The following COMMD10 variants were observed in gnomAD, a reference collection of about 807,000 sequenced individuals.
COMMD10 encodes the protein COMM domain-containing protein 10.
A neutral mutation model predicts 28.9 loss-of-function variants in COMMD10; 33 were observed. The observed-to-expected ratio is 1.14, with a 90% confidence interval of 0.87 to 1.53. The LOEUF is 1.53. COMMD10 is among the 40% of genes most tolerant of loss of function. The pLI is 0.00. For synonymous variants in COMMD10, 110 were observed against 81.7 expected (o/e 1.35, Z -1.87); for missense variants, 310 against 233.4 (o/e 1.33, Z -2.14).
intron 5 of COMMD10, among the ~76,000 whole-genome samples, chr5:116,169,949 C>CA (rs1232677372): frequency 6.6e-6 from 1 of 152,142 alleles, no homozygotes; most frequent in Admixed American, 6.5e-5. Flanking sequence ...TGCCCTCTCT[C>CA]ACCACCCCTA....
chr5:116,218,216 C>T (rs2112641160), intron 5 of COMMD10: 2 of 761,674 alleles, frequency 2.6e-6, no homozygotes, highest in Admixed American at 1.7e-5. Flanking sequence ...AGCGGACAAC[C>T]TTGCAGATCT....
At chr5:116,287,927 GGTTTT>G (rs999067118) in intron 5 of COMMD10, among the ~76,000 whole-genome samples, 8 of 151,202 alleles carry the variant, frequency 5.3e-5, no homozygotes, top group Non-Finnish European at 1.0e-4. Context: ...TAGATTTATG[GGTTTT>G]GTTTTGTTTT....
intron 5 of COMMD10, among the ~76,000 whole-genome samples, chr5:116,175,532 A>C (rs1309481391): frequency 6.6e-6 from 1 of 152,198 alleles, no homozygotes; most frequent in Non-Finnish European, 1.5e-5. Context: ...TTCTGAGTGT[A>C]TATTCAAAAG....
intron 5 of COMMD10, among the ~76,000 whole-genome samples, chr5:116,164,036 G>T (rs569255269): frequency 2.4e-4 from 37 of 152,264 alleles, no homozygotes; most frequent in African/African-American, 8.9e-4. Context: ...ACACTCTGAG[G>T]CCAGGCCTGG....
chr5:116,125,189 T>C (rs1456374245), intron 4 of COMMD10, among the ~76,000 whole-genome samples: 3 of 152,332 alleles, frequency 2.0e-5, no homozygotes, highest in African/African-American at 4.8e-5. Context: ...CAGTGGCTGG[T>C]ACCAGTTGTT....
chr5:116,154,648 C>T (rs570497443), intron 5 of COMMD10, among the ~76,000 whole-genome samples: 17 of 152,216 alleles, frequency 1.1e-4, no homozygotes, highest in African/African-American at 3.9e-4. Flanking sequence ...CAAGTTGGCC[C>T]AAAGTCGTAT....
At chr5:116,086,658 C>T (rs1750108894) in intron 1 of COMMD10, among the ~76,000 whole-genome samples, 1 of 152,306 alleles carries the variant, frequency 6.6e-6, no homozygotes, top group Non-Finnish European at 1.5e-5. Context: ...TGGGGTTTCA[C>T]CATGTTGGCT....
intron 5 of COMMD10, among the ~76,000 whole-genome samples, chr5:116,172,915 G>A (rs1244556422): frequency 6.6e-6 from 1 of 152,090 alleles, no homozygotes; most frequent in African/African-American, 2.4e-5. Flanking sequence ...ATGAGAGGAT[G>A]TCTTTAATAA....
chr5:116,264,210 T>C (rs891482004), intron 5 of COMMD10, among the ~76,000 whole-genome samples: 9 of 151,816 alleles, frequency 5.9e-5, no homozygotes, highest in Admixed American at 2.6e-4. Context: ...AGAGGAATTT[T>C]AGTGATTAAA....
At chr5:116,122,180 A>C (rs954617554) in intron 4 of COMMD10, among the ~76,000 whole-genome samples, 1 of 152,216 alleles carries the variant, frequency 6.6e-6, no homozygotes, top group African/African-American at 2.4e-5. Context: ...GAAGGGATCC[A>C]GTTTTAGTTT....
intron 4 of COMMD10, among the ~76,000 whole-genome samples, chr5:116,130,207 G>T (rs1338292677): frequency 6.6e-6 from 1 of 151,788 alleles, no homozygotes; most frequent in African/African-American, 2.4e-5. Context: ...TGTGCTTACT[G>T]TATGCGGGAC....
chr5:116,267,949 C>T (rs1400108432), intron 5 of COMMD10, among the ~76,000 whole-genome samples: 5 of 151,688 alleles, frequency 3.3e-5, no homozygotes, highest in African/African-American at 7.3e-5. Context: ...AAAATTAATT[C>T]GAGATGGATT....
At chr5:116,140,174 T>A (rs1752150836) in intron 5 of COMMD10, among the ~76,000 whole-genome samples, 1 of 151,290 alleles carries the variant, frequency 6.6e-6, no homozygotes, top group African/African-American at 2.4e-5. Context: ...TCCTCCAGAT[T>A]CATCCATGTT....
intron 5 of COMMD10, among the ~76,000 whole-genome samples, chr5:116,246,323 A>C (rs545030121): frequency 1.3e-5 from 2 of 152,228 alleles, no homozygotes; most frequent in South Asian, 2.1e-4. Flanking sequence ...CACTGCTTAA[A>C]GAAATCAGAA....
intron 5 of COMMD10, among the ~76,000 whole-genome samples, chr5:116,197,249 CTTACT>C (rs1262103957): frequency 6.6e-6 from 1 of 151,888 alleles, no homozygotes; most frequent in Non-Finnish European, 1.5e-5. Flanking sequence ...GCTTTGAAGA[CTTACT>C]AAGAAATTAA....
intron 5 of COMMD10, among the ~76,000 whole-genome samples, chr5:116,229,818 A>G (rs1399981053): frequency 6.6e-6 from 1 of 151,992 alleles, no homozygotes. Flanking sequence ...ACATAGCCTG[A>G]GTTAATTCAG....
chr5:116,094,322 T>C (rs2112714207), intron 4 of COMMD10, among the ~76,000 whole-genome samples: 1 of 152,264 alleles, frequency 6.6e-6, no homozygotes, highest in South Asian at 2.1e-4. Context: ...ACATCTCAAC[T>C]GCAAAGTAAC....
At chr5:116,170,111 C>G (rs1162985871) in intron 5 of COMMD10, among the ~76,000 whole-genome samples, 3 of 152,162 alleles carry the variant, frequency 2.0e-5, no homozygotes, top group African/African-American at 7.2e-5. Context: ...CCCAAAATCT[C>G]CTTAAGCTGA....
At chr5:116,285,385 C>G (rs912055411) in intron 5 of COMMD10, among the ~76,000 whole-genome samples, 6 of 151,844 alleles carry the variant, frequency 4.0e-5, no homozygotes, top group Admixed American at 6.6e-5. Flanking sequence ...CCACCCTTTC[C>G]TTTTTATCCT....
Sources: gnomAD v4.1 joint callset for allele counts (sites outside exome capture counted in the v4.1 genomes callset) on GRCh38, gnomAD v4.1.1 for gene constraint, MANE v1.5 for transcripts, NCBI Gene and HGNC (gene_info 2026-07-23, HGNC 2026-07-21) for gene names.